Variants in LMNB1 observed in about 807,000 individuals in gnomAD.
LMNB1 encodes the protein lamin B1.
A neutral mutation model predicts 67.1 loss-of-function variants in LMNB1; 23 were observed. That is an observed-to-expected ratio of 0.34 (90% CI 0.25 to 0.49). LMNB1 has a LOEUF of 0.49. Among genes scored for constraint, LMNB1 ranks in the 20% least tolerant of loss-of-function variants. The pLI is 0.99. For missense variants in LMNB1, 634 were observed against 746.5 expected (o/e 0.85, Z 1.76); for synonymous variants, 281 against 282.9 (o/e 0.99, Z 0.07).
At chr5:126,815,766 T>TA (rs1321583538) in intron 5 of LMNB1, among the ~76,000 whole-genome samples, 1 of 152,218 alleles carries the variant, frequency 6.6e-6, no homozygotes, top group Non-Finnish European at 1.5e-5. Context: ...TAACTTCTCA[T>TA]ACTGTGTTCC....
At chr5:126,796,914 G>A (rs1580533700) in intron 1 of LMNB1, among the ~76,000 whole-genome samples, 1 of 150,528 alleles carries the variant, frequency 6.6e-6, no homozygotes, top group East Asian at 2.0e-4. Flanking sequence ...TCAGCCTCCC[G>A]AGTAGCTGGG....
At chr5:126,818,212 GT>G (rs756232926) in intron 5 of LMNB1, among the ~76,000 whole-genome samples, 1 of 149,298 alleles carries the variant, frequency 6.7e-6, no homozygotes, top group Non-Finnish European at 1.5e-5. Context: ...CCACTCTTAG[GT>G]TTATTTTGTC....
chr5:126,826,392 G>T lies in LMNB1; in HGVS notation c.1611+285G>T, dbSNP rs192392924. Among the ~76,000 whole-genome samples the T allele has an allele frequency of 5.5e-4, 84 of 152,278 alleles. 1 individual carries two copies. Among genetic ancestry groups the T allele is most frequent in the Admixed American group, 4.2e-3 (64 of 15,296 alleles). ...TGGGCAAGTTACTTCACCTCTCTTA[G>T]ATTTGTCATTTAAAAATGGATATTA... On this transcript the variant is annotated intron_variant, in intron 9 of 10. Coordinates refer to ENST00000261366, the MANE Select transcript of LMNB1 (RefSeq NM_005573.4).
chr5:126,798,673 A>C (rs1751175728), intron 1 of LMNB1, among the ~76,000 whole-genome samples: 1 of 152,138 alleles, frequency 6.6e-6, no homozygotes, highest in Admixed American at 6.5e-5. Flanking sequence ...CATAGGATGA[A>C]AAAAGAGAAG....
Position 126,819,137 on chromosome 5 carries a change from A to G in LMNB1, c.1155A>G (p.Glu385=). 6.2e-7 allele frequency: 1 copy of G among 1,613,302 alleles called. No homozygotes were observed. The highest frequency in any genetic ancestry group is 1.1e-5 in the South Asian group (1 of 91,062). ...SAYRKLLEGE[E]ERLKLSPSPS... ...ACAGGAAACTCTTAGAAGGCGAAGA[A>G]GAGAGGTAAGGAACTTAAGGGTCAC... is the stretch of plus-strand genomic sequence containing the variant. The change falls in exon 6 of 11, where the codon GAA becomes GAG. Residue 385 remains glutamate (E), a synonymous_variant. Transcript: ENST00000261366.
rs375873636 is a variant in LMNB1, at chr5:126,810,233, T to C, written c.696T>C (p.Ser232=). The change falls in exon 4 of 11, where the codon TCT becomes TCC. Residue 232 remains serine, a synonymous_variant. Coordinates refer to ENST00000261366, the MANE Select transcript of LMNB1 (RefSeq NM_005573.4). ...KHETRLVEVD[S]GRQIEYEYKL... is the part of the protein sequence containing the mutation. ...AAACGCGCTTGGTAGAGGTGGATTC[T>C]GGGCGTCAAATTGAGTATGAGTACA... is the stretch of plus-strand genomic sequence containing the variant. 41 of 1,613,880 alleles carry C rather than the reference T, an allele frequency of 2.5e-5. No homozygotes were observed. Among genetic ancestry groups the C allele is most frequent in the African/African-American group, 5.3e-5 (4 of 74,922 alleles).
intron 6 of LMNB1, 133 bp downstream of exon 6, chr5:126,819,275 A>C: frequency 1.6e-6 from 1 of 611,258 alleles, no homozygotes; most frequent in Non-Finnish European, 2.9e-6. Context: ...CTAGGTATAG[A>C]AGTAGTAATA....
At chr5:126,808,880 ATT>A (rs111276109) in intron 3 of LMNB1, among the ~76,000 whole-genome samples, 1 of 145,872 alleles carries the variant, frequency 6.9e-6, no homozygotes, top group Non-Finnish European at 1.5e-5. Flanking sequence ...TCTAATTATT[ATT>A]TTTTTTTTTT....
intron 2 of LMNB1, 81 bp from the exon 3 acceptor site, chr5:126,805,490 G>A (rs1267849122): frequency 1.1e-5 from 10 of 926,850 alleles, no homozygotes; most frequent in Non-Finnish European, 1.7e-5. Flanking sequence ...CACTTGATTT[G>A]ATTTGATTCA....
intron 1 of LMNB1, among the ~76,000 whole-genome samples, chr5:126,801,529 T>A (rs1235661719): frequency 6.6e-6 from 1 of 152,202 alleles, no homozygotes; most frequent in African/African-American, 2.4e-5. Flanking sequence ...TTTTGGCTTC[T>A]TGTGTTTTCT....
intron 1 of LMNB1, among the ~76,000 whole-genome samples, chr5:126,797,846 C>A (rs1192550026): frequency 1.3e-5 from 2 of 152,062 alleles, no homozygotes; most frequent in African/African-American, 4.8e-5. Context: ...GAGGCTGAGG[C>A]GGACAGGTCA....
intron 5 of LMNB1, among the ~76,000 whole-genome samples, chr5:126,818,529 A>G (rs796501675): frequency 1.3e-5 from 2 of 152,346 alleles, no homozygotes; most frequent in African/African-American, 4.8e-5. Flanking sequence ...GGCGTAAGCC[A>G]CCACACCCAC....
intron 1 of LMNB1, among the ~76,000 whole-genome samples, chr5:126,786,185 C>T (rs1197869222): frequency 2.1e-5 from 3 of 141,546 alleles, no homozygotes; most frequent in Admixed American, 1.5e-4. Flanking sequence ...TGCAGTGGCA[C>T]GATCTCGGTT....
At chr5:126,788,404 G>A (rs994200789) in intron 1 of LMNB1, among the ~76,000 whole-genome samples, 11 of 152,146 alleles carry the variant, frequency 7.2e-5, no homozygotes, top group Non-Finnish European at 1.3e-4. Context: ...TTGGGAGGCT[G>A]AGTGTGTGGA....
chr5:126,820,534 T>C (rs1751838866), intron 6 of LMNB1, among the ~76,000 whole-genome samples: 1 of 152,154 alleles, frequency 6.6e-6, no homozygotes, highest in African/African-American at 2.4e-5. Context: ...CTTCTTATTA[T>C]TATTATTTTG....
intron 1 of LMNB1, among the ~76,000 whole-genome samples, chr5:126,798,359 T>G (rs1474398310): frequency 6.8e-6 from 1 of 147,264 alleles, no homozygotes; most frequent in Admixed American, 6.8e-5. Context: ...CTGAGGCAGG[T>G]GAATGGCGTG....
chr5:126,787,548 T>TA (rs1348320183), intron 1 of LMNB1, among the ~76,000 whole-genome samples: 4,356 of 61,612 alleles, frequency 0.071, 99 homozygotes, highest in East Asian at 0.16. Flanking sequence ...ATATATATAT[T>TA]TTTTTTTTTT....
chr5:126,792,107 G>A (rs1243444866), intron 1 of LMNB1, among the ~76,000 whole-genome samples: 1 of 149,452 alleles, frequency 6.7e-6, no homozygotes, highest in East Asian at 2.0e-4. Context: ...TAGCTCTATA[G>A]CATTGTTTTT....
intron 10 of LMNB1, among the ~76,000 whole-genome samples, chr5:126,834,117 G>T (rs1752194760): frequency 6.6e-6 from 1 of 152,198 alleles, no homozygotes; most frequent in South Asian, 2.1e-4. Context: ...GTCTCTTTCT[G>T]TGTGGATTTC....
Sources: allele counts gnomAD v4.1 joint callset (sites outside exome capture counted in the v4.1 genomes callset), GRCh38; gene constraint gnomAD v4.1.1; transcripts MANE v1.5; gene names NCBI Gene and HGNC (gene_info 2026-07-23, HGNC 2026-07-21).